The following DNASE1L1 variants were observed in gnomAD, a reference collection of about 807,000 sequenced individuals.
The protein encoded by DNASE1L1 is deoxyribonuclease-1-like 1.
A neutral mutation model predicts 18.6 loss-of-function variants in DNASE1L1; 8 were observed. The ratio of observed to expected loss-of-function variants is 0.43; its 90% CI spans 0.25 to 0.78. DNASE1L1 has a LOEUF of 0.78. Ranked by LOEUF, DNASE1L1 falls within the 30% of genes least tolerant of loss-of-function variation. The pLI is 0.23. For missense variants in DNASE1L1, 214 were observed against 258.2 expected (o/e 0.83, Z 1.17); for synonymous variants, 114 against 114.2 (o/e 1.00, Z 0.01).
In DNASE1L1 at chrX:154,409,161, C is replaced by T. The variant is rs2068214477; in HGVS notation, c.-137G>A. On this transcript the variant is annotated 5_prime_UTR_variant, in exon 1 of 8. Transcript: ENST00000369807. ...GTCTGCCTCATCCTTAAGTGGATCG[C>T]GATACCCCAGAAGAGCAGCTCCTGC... The T allele has an allele frequency of 2.9e-6, 1 of 341,046 alleles. No homozygotes were observed. The highest frequency in any genetic ancestry group is 5.9e-6 in the Non-Finnish European group (1 of 169,374). 28.1% of individuals were successfully genotyped at this position (341,046 alleles called of 1,213,427 possible).
At chrX:154,411,523 G>A (rs993874479), upstream of DNASE1L1, 1 of 316,383 alleles carries the variant, frequency 3.2e-6, no homozygotes, top group Non-Finnish European at 5.8e-6. Context: ...GTCGGGCTGG[G>A]CACCGGCGCA....
intron 1 of DNASE1L1, among the ~76,000 whole-genome samples, chrX:154,406,739 G>A (rs1440104356): frequency 9.8e-6 from 1 of 101,841 alleles, no homozygotes; most frequent in East Asian, 3.0e-4. Flanking sequence ...TGAACTCCTG[G>A]GCTCAAGCAA....
At chrX:154,403,407 G>A (rs782355433) in intron 5 of DNASE1L1, 26 bp from the exon 6 acceptor site, 2 of 1,202,200 alleles carry the variant, frequency 1.7e-6, no homozygotes, top group African/African-American at 3.5e-5. Context: ...ACCGAGGGCT[G>A]CCATCCACTC....
intron 5 of DNASE1L1, 59 bp from the exon 6 acceptor site, chrX:154,403,440 G>A (rs1224331898): frequency 2.9e-5 from 34 of 1,192,593 alleles, no homozygotes; most frequent in Middle Eastern, 2.3e-4. Flanking sequence ...CCCCTAGCCC[G>A]TCTGGGTGAG....
intron 4 of DNASE1L1, 84 bp from the exon 5 acceptor site, chrX:154,403,706 C>T: frequency 1.3e-6 from 1 of 786,265 alleles, no homozygotes; most frequent in Non-Finnish European, 1.9e-6. Context: ...AGGGAGGGGC[C>T]CTCCACTAAC....
At chrX:154,410,381 A>T (rs183939735), upstream of DNASE1L1, among the ~76,000 whole-genome samples, 1 of 108,207 alleles carries the variant, frequency 9.2e-6, no homozygotes, top group African/African-American at 3.4e-5. Flanking sequence ...GAAGAAACCC[A>T]GCCTCTACTA....
intron 1 of DNASE1L1, among the ~76,000 whole-genome samples, chrX:154,406,002 C>T (rs1235250489): frequency 2.9e-5 from 3 of 103,852 alleles, no homozygotes; most frequent in Non-Finnish European, 4.0e-5. Context: ...GACGGAGTCT[C>T]ACTCTGTCGC....
At chrX:154,406,779 G>A (rs2068161970) in intron 1 of DNASE1L1, among the ~76,000 whole-genome samples, 1 of 106,531 alleles carries the variant, frequency 9.4e-6, no homozygotes, top group Non-Finnish European at 1.9e-5. Flanking sequence ...TAAAGTGCTG[G>A]GATTGCAGGA....
rs1030574315 is a variant in DNASE1L1, at chrX:154,404,549, G to A, written c.311+279C>T. 3.6e-5 allele frequency among the ~76,000 whole-genome samples: 4 copies of A among 111,974 alleles called. No homozygotes were observed. In the South Asian group the frequency reaches 1.1e-3, roughly 31 times the overall value. The stretch of plus-strand genomic sequence containing the variant: ...CCTTGCTGGCCACTTTCATAGAGGG[G>A]GCCAGCCACACCCTGAGCCCCAGCA... On this transcript the variant is annotated intron_variant, in intron 4 of 7. Coordinates refer to ENST00000369807, the MANE Select transcript of DNASE1L1 (RefSeq NM_001303620.2).
chrX:154,409,368 C>T, upstream of DNASE1L1: 1 of 217,867 alleles, frequency 4.6e-6, no homozygotes. Context: ...CCTGCCCGCC[C>T]ACCTTCCCAC....
chrX:154,401,377 C>A lies in DNASE1L1; in HGVS notation c.*1330G>T, dbSNP rs782418090. The stretch of plus-strand genomic sequence containing the variant: ...ACTGCTGAGGTCACCTGCGATTTGC[C>A]CCATTTCCTATCTCTAGCAACCTCC... On this transcript the variant is annotated 3_prime_UTR_variant, in exon 8 of 8. Coordinates refer to ENST00000369807, the MANE Select transcript of DNASE1L1 (RefSeq NM_001303620.2). 13 of 153,398 alleles carry A rather than the reference C, an allele frequency of 8.5e-5. No homozygotes were observed. In the East Asian group the frequency reaches 2.0e-3, roughly 24 times the overall value. 12.6% of individuals were successfully genotyped at this position (153,398 alleles called of 1,213,427 possible).
intron 4 of DNASE1L1, among the ~76,000 whole-genome samples, chrX:154,404,147 C>CTTTTTTTTTT (rs35330789): frequency 4.6e-5 from 3 of 65,285 alleles, no homozygotes; most frequent in African/African-American, 2.0e-4. Flanking sequence ...TGATGTCATT[C>CTTTTTTTTTT]TTTTTTTTTT....
chrX:154,411,967 G>A (rs781836148), upstream of DNASE1L1: 6 of 1,200,513 alleles, frequency 5.0e-6, no homozygotes, highest in Admixed American at 1.1e-4. Context: ...GTGGGCCCAG[G>A]CCGAGGCAGG....
rs782325226 is a variant in DNASE1L1, at chrX:154,403,153, G to C, written c.563C>G (p.Ala188Gly). The C allele has an allele frequency of 8.3e-7, 1 of 1,211,588 alleles. No homozygotes were observed. The highest frequency in any genetic ancestry group is 3.0e-5 in the East Asian group (1 of 33,847). Residue 188 changes from alanine (A) to glycine (G), a missense_variant, in exon 7 of 8, where the codon GCT becomes GGT. Coordinates refer to ENST00000369807, the MANE Select transcript of DNASE1L1 (RefSeq NM_001303620.2). ...GTCCAGGCGCTTTTTGGTCAGTGAAGCGCAGTCAGCATTGAAGTCCCCAAG... is the reference window on the plus strand; with the variant it reads ...GTCCAGGCGCTTTTTGGTCAGTGAACCGCAGTCAGCATTGAAGTCCCCAAG... Reference protein sequence around the residue: ...ILLGDFNADCASLTKKRLDKL... With the variant: ...ILLGDFNADCGSLTKKRLDKL...
At chrX:154,410,864 C>T (rs187437219), upstream of DNASE1L1, among the ~76,000 whole-genome samples, 78 of 110,154 alleles carry the variant, frequency 7.1e-4, no homozygotes, top group East Asian at 0.018. Flanking sequence ...GGCGACAGAG[C>T]GAGACTCCTA....
Position 154,409,237 on chromosome X carries a change from G to A in DNASE1L1, c.-213C>T. 1.0e-5 allele frequency: 3 copies of A among 288,709 alleles called. No individual in the cohort carries two copies. The highest frequency in any genetic ancestry group is 2.1e-5 in the Non-Finnish European group (3 of 142,450). The allele number at this position is 288,709 out of a possible 1,213,427, so 23.8% of individuals were successfully genotyped here. On this transcript the variant is annotated 5_prime_UTR_variant, in exon 1 of 8. Coordinates refer to ENST00000369807, the MANE Select transcript of DNASE1L1 (RefSeq NM_001303620.2). ...AAAGAGGAAGAGGCTGTGTTCCTGA[G>A]CCACCCGGCCAGGAAGGGCCTGGCT...
chrX:154,409,102 G>T lies in DNASE1L1; in HGVS notation c.-88+10C>A, dbSNP rs1460777597. ...CTCCCTTCTTCCGTCTCCCCAGGGG[G>T]CTCCCATACCTGCTCAGACCAGCTT... is the stretch of plus-strand genomic sequence containing the variant. On this transcript the variant is annotated intron_variant, in intron 1 of 7. Transcript: ENST00000369807. The T allele has an allele frequency of 1.2e-5, 4 of 339,589 alleles. No homozygotes were observed. Among genetic ancestry groups the T allele is most frequent in the Non-Finnish European group, 2.4e-5 (4 of 169,026 alleles). The allele number at this position is 339,589 out of a possible 1,213,427, so 28.0% of individuals were successfully genotyped here.
chrX:154,407,351 C>T (rs2068177011), intron 1 of DNASE1L1, among the ~76,000 whole-genome samples: 2 of 101,456 alleles, frequency 2.0e-5, no homozygotes, highest in African/African-American at 7.1e-5. Flanking sequence ...CAACTCCCTG[C>T]CTCAGCCTCC....
At chrX:154,405,286 G>T in intron 2 of DNASE1L1, 148 bp downstream of exon 2, 1 of 983,807 alleles carries the variant, frequency 1.0e-6, no homozygotes, top group Non-Finnish European at 1.4e-6. Context: ...GGAGACTGAG[G>T]CCAGCAGCAG....
Sources: gnomAD v4.1 joint callset for allele counts (sites outside exome capture counted in the v4.1 genomes callset) on GRCh38, gnomAD v4.1.1 for gene constraint, MANE v1.5 for transcripts, NCBI Gene and HGNC (gene_info 2026-07-23, HGNC 2026-07-21) for gene names.